Variants in PYGL observed in about 807,000 individuals in gnomAD.
PYGL encodes the protein glycogen phosphorylase L, also known as glycogen phosphorylase, liver form.
In PYGL, 90 loss-of-function variants were observed where a neutral mutation model predicts 100.1. The ratio of observed to expected loss-of-function variants is 0.90; its 90% confidence interval spans 0.76 to 1.07. The LOEUF (loss-of-function observed/expected upper bound fraction) is 1.07. Among genes scored for constraint, PYGL ranks in the 50% least tolerant of loss-of-function variants. The pLI, the probability that PYGL is intolerant of heterozygous loss-of-function variation, is 0.00. For missense variants in PYGL, 1,016 were observed against 1,057.6 expected (o/e 0.96, Z 0.55); for synonymous variants, 373 against 393.0 (o/e 0.95, Z 0.60).
At chr14:50,943,540 T>G (rs547699238) in intron 1 of PYGL, among the ~76,000 whole-genome samples, 2 of 152,312 alleles carry the variant, frequency 1.3e-5, no homozygotes, top group East Asian at 3.9e-4. Flanking sequence ...GGGCCGCCTT[T>G]GCGAAAGACT....
At chr14:50,912,368 C>CA in intron 13 of PYGL, 65 bp from the exon 14 acceptor site, 2 of 1,570,068 alleles carry the variant, frequency 1.3e-6, no homozygotes, top group Non-Finnish European at 1.7e-6. Flanking sequence ...TCTGGTTTTT[C>CA]TTTTTTTTGA....
At chr14:50,908,111 T>G in intron 19 of PYGL, 160 bp downstream of exon 19, 1 of 574,794 alleles carries the variant, frequency 1.7e-6, no homozygotes, top group Non-Finnish European at 3.0e-6. Context: ...GTTTTTTTTT[T>G]TGTTGTGGTT....
chr14:50,934,388 C>T (rs930356633), intron 3 of PYGL, among the ~76,000 whole-genome samples: 2 of 152,056 alleles, frequency 1.3e-5, no homozygotes, highest in Non-Finnish European at 2.9e-5. Context: ...TAACTTAGGT[C>T]ATGCCACACA....
intron 18 of PYGL, 25 bp from the exon 19 acceptor site, chr14:50,908,362 A>G: frequency 2.0e-6 from 3 of 1,536,006 alleles, no homozygotes; most frequent in Non-Finnish European, 2.7e-6. Context: ...GTGGAAGAGG[A>G]AAAAAACAGT....
intron 9 of PYGL, among the ~76,000 whole-genome samples, chr14:50,916,226 GTC>G: frequency 6.6e-6 from 1 of 152,332 alleles, no homozygotes; most frequent in South Asian, 2.1e-4. Flanking sequence ...ATCCTTATGT[GTC>G]TTTCACTTAT....
chr14:50,936,932 C>T (rs764932586), intron 2 of PYGL, among the ~76,000 whole-genome samples: 8 of 152,050 alleles, frequency 5.3e-5, no homozygotes, highest in Non-Finnish European at 8.8e-5. Flanking sequence ...ATGGAGAGGA[C>T]CTGCAGGGGT....
At chr14:50,927,843 C>T (rs921835965) in intron 4 of PYGL, among the ~76,000 whole-genome samples, 4 of 152,168 alleles carry the variant, frequency 2.6e-5, no homozygotes, top group Admixed American at 2.6e-4. Flanking sequence ...ACAGAAGCTG[C>T]AAGATGGTGA....
At chr14:50,909,064 C>A in intron 17 of PYGL, 109 bp from the exon 18 acceptor site, 1 of 1,253,220 alleles carries the variant, frequency 8.0e-7, no homozygotes, top group Non-Finnish European at 1.1e-6. Flanking sequence ...TTCAGAAATA[C>A]TAGCATTCAA....
At chr14:50,909,672 A>C (rs1160838674) in intron 17 of PYGL, among the ~76,000 whole-genome samples, 2 of 152,230 alleles carry the variant, frequency 1.3e-5, no homozygotes, top group Non-Finnish European at 2.9e-5. Context: ...GCCGATAACA[A>C]ATAGCAACTC....
At chr14:50,938,552 G>A (rs947865020) in intron 1 of PYGL, among the ~76,000 whole-genome samples, 2 of 152,126 alleles carry the variant, frequency 1.3e-5, no homozygotes, top group African/African-American at 4.8e-5. Context: ...TTTACTCTAT[G>A]AATTTGCCTC....
At chr14:50,920,463 G>T in intron 7 of PYGL, 78 bp downstream of exon 7, 1 of 1,331,252 alleles carries the variant, frequency 7.5e-7, no homozygotes, top group Non-Finnish European at 1.1e-6. Context: ...TATTAAATGT[G>T]TTTTATAGGT....
chr14:50,913,023 G>A lies in PYGL; in HGVS notation c.1620+6C>T, dbSNP rs761444646. The A allele has an allele frequency of 6.2e-7, 1 of 1,613,634 alleles. No individual in the cohort carries two copies. Among genetic ancestry groups the A allele is most frequent in the African/African-American group, 1.3e-5 (1 of 75,012 alleles). On this transcript the variant is annotated splice_donor_region_variant and intron_variant, in intron 13 of 19. Coordinates refer to ENST00000216392, the MANE Select transcript of PYGL (RefSeq NM_002863.5). ...CCAGGAGGGGACCCACACCTGGAAG[G>A]CTCACCTGCTTCACCTTGGCGAGTT...
At position 50,944,151 on chromosome 14, in the gene PYGL, C is replaced by G; in HGVS notation, c.243+10G>C. The G allele has an allele frequency of 1.3e-6, 2 of 1,599,174 alleles. No homozygotes were observed. Among genetic ancestry groups the G allele is most frequent in the South Asian group, 2.2e-5 (2 of 90,652 alleles). Reference sequence around the variant, plus strand: ...GCTGGACCCCGGCCCGCCGTCCCGCCCCCGGTTACCTTGGGGCACTTGTCG... The same window carrying G: ...GCTGGACCCCGGCCCGCCGTCCCGCGCCCGGTTACCTTGGGGCACTTGTCG... On this transcript the variant is annotated intron_variant, in intron 1 of 19. Coordinates refer to ENST00000216392, the MANE Select transcript of PYGL (RefSeq NM_002863.5).
chr14:50,915,963 C>T lies in PYGL; in HGVS notation c.1101G>A (p.Glu367=), dbSNP rs1471831830. 5 of 1,613,992 alleles carry T rather than the reference C, an allele frequency of 3.1e-6. No homozygotes were observed. Among genetic ancestry groups the T allele is most frequent in the Admixed American group, 1.7e-5 (1 of 60,010 alleles). Residue 367 remains glutamate, a synonymous_variant, in exon 10 of 20, where the codon GAG becomes GAA. Coordinates refer to ENST00000216392, the MANE Select transcript of PYGL (RefSeq NM_002863.5). ...IEKLPWSKAW[E]LTQKTFAYTN... is the part of the protein sequence containing the mutation. ...TGTAGGCGAAGGTCTTCTGGGTGAG[C>T]TCCCATGCCTGGGGGAAAGGAAGGA...
intron 11 of PYGL, 186 bp downstream of exon 11, chr14:50,915,150 A>G (rs2050433528): frequency 6.3e-6 from 5 of 796,482 alleles, no homozygotes; most frequent in South Asian, 1.8e-5. Context: ...CTCTGAGAGG[A>G]AAGCATTCTT....
At chr14:50,940,137 T>C (rs1232363342) in intron 1 of PYGL, among the ~76,000 whole-genome samples, 1 of 152,248 alleles carries the variant, frequency 6.6e-6, no homozygotes, top group Non-Finnish European at 1.5e-5. Context: ...AGGCAATGGC[T>C]GGTGCTCTAG....
At chr14:50,914,496 C>CAATAATAATAAT (rs58316457) in intron 12 of PYGL, among the ~76,000 whole-genome samples, 2,637 of 148,508 alleles carry the variant, frequency 0.018, 24 homozygotes, top group Non-Finnish European at 0.023. Flanking sequence ...AACTCTGTCT[C>CAATAATAATAAT]AATAATAATA....
chr14:50,915,778 T>G lies in PYGL; in HGVS notation c.1239+47A>C, dbSNP rs372857390. The G allele has an allele frequency of 1.1e-4, 169 of 1,594,026 alleles. No homozygotes were observed. The African/African-American group carries it at 2.0e-3, about 18-fold the overall frequency. ...AACACTGTAGCCATCTGTAACACCT[T>G]AAGATCTTATGCTCATGAACAGAGA... On this transcript the variant is annotated intron_variant, in intron 10 of 19. Transcript: ENST00000216392.
intron 4 of PYGL, among the ~76,000 whole-genome samples, chr14:50,929,196 C>T (rs1185436635): frequency 6.6e-6 from 1 of 152,046 alleles, no homozygotes; most frequent in Non-Finnish European, 1.5e-5. Flanking sequence ...ATTACATGCA[C>T]GCGCCACTAT....
Sources: gnomAD v4.1 joint callset for allele counts (sites outside exome capture counted in the v4.1 genomes callset) on GRCh38, gnomAD v4.1.1 for gene constraint, MANE v1.5 for transcripts, NCBI Gene and HGNC (gene_info 2026-07-23, HGNC 2026-07-21) for gene names.